HIVEP3: variants seen among roughly 807,000 people sequenced by gnomAD.
HIVEP3 encodes transcription factor HIVEP3.
Under a neutral mutation model 152.8 loss-of-function variants are expected in HIVEP3, and 49 were observed. That is an observed-to-expected ratio of 0.32 (90% confidence interval 0.26 to 0.41). The LOEUF (loss-of-function observed/expected upper bound fraction) is 0.41, where lower values mean the gene tolerates loss of function less well. Among genes scored for constraint, HIVEP3 ranks in the 10% least tolerant of loss-of-function variants. HIVEP3 has a pLI of 1.00. For missense variants in HIVEP3, 2,790 were observed against 3,103.3 expected (o/e 0.90, Z 2.40); for synonymous variants, 1,269 against 1,289.0 (o/e 0.98, Z 0.33).
intron 2 of HIVEP3, among the ~76,000 whole-genome samples, chr1:41,681,464 A>T (rs7551297): frequency 0.034 from 5,226 of 152,310 alleles, 129 homozygotes; most frequent in African/African-American, 0.068. Flanking sequence ...CAGTTGAACT[A>T]AAATGAGATG....
chr1:41,740,833 C>T (rs1032198812), intron 1 of HIVEP3, among the ~76,000 whole-genome samples: 2 of 152,152 alleles, frequency 1.3e-5, no homozygotes, highest in African/African-American at 4.8e-5. Flanking sequence ...ACCCAAGCAA[C>T]CCCCTGCCCT....
intron 3 of HIVEP3, among the ~76,000 whole-genome samples, chr1:41,594,936 A>C (rs1345903347): frequency 6.6e-6 from 1 of 152,094 alleles, no homozygotes; most frequent in Non-Finnish European, 1.5e-5. Context: ...ATAAAGCTTA[A>C]GTTTTTTTAC....
intron 1 of HIVEP3, among the ~76,000 whole-genome samples, chr1:42,028,101 T>C (rs1227353920): frequency 1.3e-5 from 2 of 152,252 alleles, no homozygotes; most frequent in South Asian, 2.1e-4. Flanking sequence ...TAACATAATG[T>C]TCTCTCCTAT....
chr1:41,973,698 T>A (rs561978592), intron 1 of HIVEP3, among the ~76,000 whole-genome samples: 2 of 152,300 alleles, frequency 1.3e-5, no homozygotes, highest in East Asian at 3.9e-4. Flanking sequence ...ATGCAAGGAA[T>A]GATAGGAGTC....
intron 1 of HIVEP3, among the ~76,000 whole-genome samples, chr1:41,865,842 C>T: frequency 6.6e-6 from 1 of 152,206 alleles, no homozygotes; most frequent in East Asian, 1.9e-4. Flanking sequence ...TTAACACTAT[C>T]TGTCCATTAC....
intron 1 of HIVEP3, among the ~76,000 whole-genome samples, chr1:41,916,674 G>A (rs1287603262): frequency 6.6e-6 from 1 of 152,154 alleles, no homozygotes; most frequent in Non-Finnish European, 1.5e-5. Flanking sequence ...ATGTCAAACA[G>A]CTCAGACGGC....
chr1:41,534,541 G>A (rs812468), intron 5 of HIVEP3, among the ~76,000 whole-genome samples: 2,277 of 152,258 alleles, frequency 0.015, 38 homozygotes, highest in Non-Finnish European at 0.02. Context: ...TCTGCTCCAG[G>A]GCACTTGTCA....
chr1:41,688,559 T>C (rs1646147219), intron 2 of HIVEP3, among the ~76,000 whole-genome samples: 1 of 152,238 alleles, frequency 6.6e-6, no homozygotes, highest in African/African-American at 2.4e-5. Context: ...ATTCTTAAAG[T>C]CACAACTCCC....
At chr1:41,973,748 G>A (rs1052761089) in intron 1 of HIVEP3, among the ~76,000 whole-genome samples, 1 of 152,204 alleles carries the variant, frequency 6.6e-6, no homozygotes, top group Non-Finnish European at 1.5e-5. Context: ...CGGAAGAAGA[G>A]GAAACAGCAT....
At chr1:41,523,738 C>T (rs1056358389) in intron 6 of HIVEP3, among the ~76,000 whole-genome samples, 1 of 152,160 alleles carries the variant, frequency 6.6e-6, no homozygotes, top group African/African-American at 2.4e-5. Flanking sequence ...TGAAGGATGC[C>T]CTTGAGTTTC....
intron 1 of HIVEP3, among the ~76,000 whole-genome samples, chr1:42,002,079 G>T (rs1042066068): frequency 6.6e-6 from 1 of 151,976 alleles, no homozygotes; most frequent in Non-Finnish European, 1.5e-5. Context: ...CTTTAGAAAC[G>T]GTAGGTCTTT....
chr1:41,978,867 C>T (rs4660593), intron 1 of HIVEP3, among the ~76,000 whole-genome samples: 79,597 of 151,782 alleles, frequency 0.52, 21,071 homozygotes, highest in East Asian at 0.71. Context: ...ACTTCAGGAG[C>T]CACCTTCCCA....
chr1:41,932,157 T>C (rs1230839614), intron 1 of HIVEP3, among the ~76,000 whole-genome samples: 1 of 151,040 alleles, frequency 6.6e-6, no homozygotes, highest in Non-Finnish European at 1.5e-5. Flanking sequence ...CATGAATAGA[T>C]GATTAATTTT....
chr1:41,752,903 A>C (rs138333956), intron 1 of HIVEP3, among the ~76,000 whole-genome samples: 37 of 152,370 alleles, frequency 2.4e-4, no homozygotes, highest in African/African-American at 8.9e-4. Flanking sequence ...ACAAAGTGTT[A>C]GGCTCAGGGA....
chr1:41,596,234 A>G (rs1207109006), intron 3 of HIVEP3, among the ~76,000 whole-genome samples: 1 of 152,166 alleles, frequency 6.6e-6, no homozygotes, highest in African/African-American at 2.4e-5. Flanking sequence ...CTGCCCTCTG[A>G]AAGCAGGTGG....
intron 6 of HIVEP3, 109 bp from the exon 7 acceptor site, chr1:41,518,597 G>C (rs992236422): frequency 4.9e-5 from 50 of 1,026,868 alleles, no homozygotes; most frequent in Middle Eastern, 2.7e-4. Context: ...TCTCAGGCCA[G>C]TCAAGGCCCT....
At chr1:42,011,807 C>T (rs1028119513) in intron 1 of HIVEP3, among the ~76,000 whole-genome samples, 1 of 152,214 alleles carries the variant, frequency 6.6e-6, no homozygotes, top group African/African-American at 2.4e-5. Flanking sequence ...TGCCTCTTTG[C>T]TATTTCCAAA....
intron 3 of HIVEP3, among the ~76,000 whole-genome samples, chr1:41,613,431 C>G (rs1644924931): frequency 6.6e-6 from 1 of 152,182 alleles, no homozygotes; most frequent in Non-Finnish European, 1.5e-5. Flanking sequence ...AGAGCAGGGG[C>G]TGTATTTTAA....
intron 5 of HIVEP3, among the ~76,000 whole-genome samples, chr1:41,565,544 AC>A: frequency 7.5e-6 from 1 of 134,164 alleles, no homozygotes; most frequent in African/African-American, 2.8e-5. Context: ...ACACACACAC[AC>A]ACACACACAC....
Sources: gnomAD v4.1 joint callset for allele counts (sites outside exome capture counted in the v4.1 genomes callset) on GRCh38, gnomAD v4.1.1 for gene constraint, MANE v1.5 for transcripts, NCBI Gene and HGNC (gene_info 2026-07-23, HGNC 2026-07-21) for gene names.